Variants in ANKRD11 observed in about 807,000 individuals in gnomAD.
The protein encoded by ANKRD11 is ankyrin repeat domain 11.
Under a neutral mutation model 195.7 loss-of-function variants are expected in ANKRD11, and 17 were observed. The observed-to-expected ratio is 0.09, with a 90% confidence interval of 0.06 to 0.13. The LOEUF (loss-of-function observed/expected upper bound fraction) is 0.13, where lower values mean the gene tolerates loss of function less well. Ranked by LOEUF, ANKRD11 falls within the 10% of genes least tolerant of loss-of-function variation. The pLI is 1.00. For synonymous variants in ANKRD11, 1,953 were observed against 1,528.1 expected (o/e 1.28, Z -6.49); for missense variants, 3,735 against 3,566.1 (o/e 1.05, Z -1.21).
At chr16:89,274,629 C>T in intron 11 of ANKRD11, 185 bp downstream of exon 11, 5 of 870,386 alleles carry the variant, frequency 5.7e-6, no homozygotes, top group South Asian at 1.5e-5. Context: ...CTGTCTGCTG[C>T]AGCCTTCTTG....
chr16:89,344,154 C>A (rs2038830207), intron 2 of ANKRD11, among the ~76,000 whole-genome samples: 2 of 152,208 alleles, frequency 1.3e-5, no homozygotes, highest in Non-Finnish European at 2.9e-5. Flanking sequence ...CTGGGAGGAG[C>A]ACACACGGGC....
At chr16:89,389,797 G>A (rs1229643218) in intron 2 of ANKRD11, among the ~76,000 whole-genome samples, 1 of 145,614 alleles carries the variant, frequency 6.9e-6, no homozygotes, top group Non-Finnish European at 1.5e-5. Context: ...CGAGTGTGGC[G>A]GGGAGCACCG....
intron 1 of ANKRD11, among the ~76,000 whole-genome samples, chr16:89,456,189 G>A (rs570689339): frequency 4.6e-5 from 7 of 151,048 alleles, no homozygotes; most frequent in Non-Finnish European, 5.9e-5. Context: ...GCAGTGAACC[G>A]AGATTGTGCC....
At chr16:89,326,976 C>G (rs1447667553) in intron 2 of ANKRD11, among the ~76,000 whole-genome samples, 1 of 151,148 alleles carries the variant, frequency 6.6e-6, no homozygotes, top group Non-Finnish European at 1.5e-5. Flanking sequence ...AAGAAGTCCA[C>G]TGGGCAATGC....
chr16:89,308,651 G>A (rs954275487), intron 3 of ANKRD11, among the ~76,000 whole-genome samples: 22 of 152,178 alleles, frequency 1.4e-4, no homozygotes, highest in African/African-American at 5.1e-4. Context: ...CTGCAGGTGC[G>A]TTTCCCATGA....
intron 2 of ANKRD11, chr16:89,325,152 C>T (rs1256587232): frequency 1.3e-5 from 2 of 152,686 alleles, no homozygotes; most frequent in African/African-American, 4.8e-5. Context: ...TGAAGTGCTT[C>T]ATAGCAGTGG....
At position 89,280,954 on chromosome 16, in the gene ANKRD11, TCGA is replaced by T; in HGVS notation, c.5585_5587del (p.Val1862del). 1 of 1,576,862 alleles carries T rather than the reference TCGA, an allele frequency of 6.3e-7. No individual in the cohort carries two copies. The highest frequency in any genetic ancestry group is 8.6e-7 in the Non-Finnish European group (1 of 1,158,488). On this transcript the variant is annotated inframe_deletion, in exon 9 of 13. Coordinates refer to ENST00000301030, the MANE Select transcript of ANKRD11 (RefSeq NM_013275.6). ...GGCAGCCGGTGGGCAGTGCAAAGCG[TCGA>T]CTTTGGGCGACGGGAGGCCATAGTC...
intron 3 of ANKRD11, among the ~76,000 whole-genome samples, chr16:89,316,353 G>T (rs1040404931): frequency 6.6e-6 from 1 of 152,064 alleles, no homozygotes. Context: ...TGCAGGACAG[G>T]AAGTCTGTAC....
At chr16:89,443,169 T>A (rs2043606698) in intron 1 of ANKRD11, 1 of 152,120 alleles carries the variant, frequency 6.6e-6, no homozygotes, top group Non-Finnish European at 1.5e-5. Flanking sequence ...TTTTTATATT[T>A]TCAGTAGAGA....
intron 2 of ANKRD11, among the ~76,000 whole-genome samples, chr16:89,319,258 C>T (rs1455364615): frequency 2.0e-5 from 3 of 152,174 alleles, no homozygotes; most frequent in Non-Finnish European, 2.9e-5. Flanking sequence ...CCCGACAGTG[C>T]GGGGCTTATC....
intron 2 of ANKRD11, among the ~76,000 whole-genome samples, chr16:89,341,776 A>C (rs1597714320): frequency 6.6e-6 from 1 of 152,140 alleles, no homozygotes; most frequent in Middle Eastern, 3.4e-3. Flanking sequence ...CACAAACAAA[A>C]AGTGGCCAAG....
intron 1 of ANKRD11, among the ~76,000 whole-genome samples, chr16:89,422,589 T>C (rs1567783150): frequency 6.6e-6 from 1 of 152,182 alleles, no homozygotes; most frequent in Non-Finnish European, 1.5e-5. Context: ...ACCCCACCTC[T>C]TTCAACGCCC....
At chr16:89,374,676 A>G (rs2040343082) in intron 2 of ANKRD11, among the ~76,000 whole-genome samples, 1 of 152,224 alleles carries the variant, frequency 6.6e-6, no homozygotes, top group Non-Finnish European at 1.5e-5. Context: ...GCTCCTCCAG[A>G]GAGCATCGGG....
intron 1 of ANKRD11, among the ~76,000 whole-genome samples, chr16:89,469,747 A>C (rs1287904189): frequency 6.7e-6 from 1 of 150,112 alleles, no homozygotes; most frequent in Non-Finnish European, 1.5e-5. Flanking sequence ...AAATGCAAAA[A>C]AAATAGCTGG....
At chr16:89,426,529 T>TCACACA (rs55664494) in intron 1 of ANKRD11, among the ~76,000 whole-genome samples, 9,186 of 142,218 alleles carry the variant, frequency 0.065, 381 homozygotes, top group East Asian at 0.18. Flanking sequence ...CACTTAAACA[T>TCACACA]CACACACACA....
At chr16:89,419,282 T>C (rs1053789961) in intron 1 of ANKRD11, among the ~76,000 whole-genome samples, 2 of 151,370 alleles carry the variant, frequency 1.3e-5, no homozygotes, top group African/African-American at 2.4e-5. Flanking sequence ...CAAAACCCCG[T>C]CTCTACTGAA....
intron 1 of ANKRD11, among the ~76,000 whole-genome samples, chr16:89,478,037 G>C (rs186539891): frequency 4.4e-4 from 67 of 152,194 alleles, no homozygotes; most frequent in Admixed American, 5.9e-4. Flanking sequence ...ATTTATTATG[G>C]CTTCAAAAGA....
intron 2 of ANKRD11, among the ~76,000 whole-genome samples, chr16:89,334,186 G>GAA (rs1284348675): frequency 3.7e-5 from 5 of 133,416 alleles, no homozygotes; most frequent in Non-Finnish European, 6.4e-5. Context: ...GAGAGAGAGA[G>GAA]AAAGAAAGAA....
At chr16:89,356,510 G>T (rs1307551759) in intron 2 of ANKRD11, among the ~76,000 whole-genome samples, 1 of 151,736 alleles carries the variant, frequency 6.6e-6, no homozygotes, top group East Asian at 1.9e-4. Flanking sequence ...GGTGGCTCAC[G>T]CCTATAATCC....
Sources: gnomAD v4.1 joint callset for allele counts (sites outside exome capture counted in the v4.1 genomes callset) on GRCh38, gnomAD v4.1.1 for gene constraint, MANE v1.5 for transcripts, NCBI Gene and HGNC (gene_info 2026-07-23, HGNC 2026-07-21) for gene names.